TLCD3B: variants seen among roughly 807,000 people sequenced by gnomAD.
The protein encoded by TLCD3B is TLC domain containing 3B.
Under a neutral mutation model 23.0 loss-of-function variants are expected in TLCD3B, and 9 were observed. The ratio of observed to expected loss-of-function variants is 0.39; its 90% CI spans 0.24 to 0.68. The LOEUF (loss-of-function observed/expected upper bound fraction) is 0.68. Among genes scored for constraint, TLCD3B ranks in the 30% least tolerant of loss-of-function variants. The pLI, the probability that TLCD3B is intolerant of heterozygous loss-of-function variation, is 0.44. For synonymous variants in TLCD3B, 161 were observed against 161.0 expected (o/e 1.00, Z 0.00); for missense variants, 307 against 371.8 (o/e 0.83, Z 1.43).
chr16:30,047,469 G>A (rs1165768702), intron 1 of TLCD3B, among the ~76,000 whole-genome samples: 1 of 152,068 alleles, frequency 6.6e-6, no homozygotes, highest in Non-Finnish European at 1.5e-5. Context: ...TTACAGGCAC[G>A]TGCCGCCATG....
In TLCD3B at chr16:30,030,797, C is replaced by T. The variant is rs999916229; in HGVS notation, c.-270G>A. On this transcript the variant is annotated 5_prime_UTR_variant, in exon 1 of 5. Transcript: ENST00000380495. ...CAGGCCAGCGAGGGATGGGGAGAGGCAAAGAGGGGATGGCTTGGTGAGGGA... is the reference window on the plus strand; with the variant it reads ...CAGGCCAGCGAGGGATGGGGAGAGGTAAAGAGGGGATGGCTTGGTGAGGGA... 33 of 1,135,860 alleles carry T rather than the reference C, an allele frequency of 2.9e-5. No homozygotes were observed. The highest frequency in any genetic ancestry group is 5.8e-5 in the Admixed American group (1 of 17,358). 70.4% of individuals were successfully genotyped at this position (1,135,860 alleles called of 1,614,324 possible). A position where few individuals can be genotyped will look rare whatever the true frequency, so the allele number is the denominator to read the frequency against.
In TLCD3B at chr16:30,025,181, C is replaced by T. The variant is rs1156976738; in HGVS notation, c.*2G>A. The T allele has an allele frequency of 4.1e-6, 6 of 1,450,408 alleles. No homozygotes were observed. Among genetic ancestry groups the T allele is most frequent in the Non-Finnish European group, 5.4e-6 (6 of 1,105,738 alleles). 89.8% of individuals were successfully genotyped at this position (1,450,408 alleles called of 1,614,324 possible). On this transcript the variant is annotated 3_prime_UTR_variant, in exon 5 of 5. Coordinates refer to ENST00000380495, the MANE Select transcript of TLCD3B (RefSeq NM_031478.6). The surrounding 1 kb of genome is among the most constrained non-coding windows in gnomAD (Gnocchi z 4.1). ...GGAGGGGGAGGGTCCCGGCCCCCGG[C>T]CTCAGTCCTGGGCCTGGCAGGCCGG...
chr16:30,045,711 T>C (rs1455569130), intron 2 of TLCD3B, among the ~76,000 whole-genome samples: 1 of 145,628 alleles, frequency 6.9e-6, no homozygotes, highest in African/African-American at 2.6e-5. Context: ...GTGTGTGTTG[T>C]GTGTGTTTGT....
rs1007122415 is a variant in TLCD3B at position 30,029,467 on chromosome 16, G to A, written c.174C>T (p.Ile58=). The A allele has an allele frequency of 2.0e-5, 33 of 1,613,948 alleles. No individual in the cohort carries two copies. Among genetic ancestry groups the A allele is most frequent in the Non-Finnish European group, 2.7e-5 (32 of 1,179,984 alleles). ...QAIMASTAGY[I]VSTSCKHIID... is the part of the protein sequence containing the mutation. ...TGATGTGCTTGCAGGAGGTGGAGAC[G>A]ATGTAGCCGGCAGTGGAGGCCATGA... Residue 58 remains isoleucine, a synonymous_variant, in exon 2 of 5, where the codon ATC becomes ATT. Coordinates refer to ENST00000380495, the MANE Select transcript of TLCD3B (RefSeq NM_031478.6). This position sits in a 1 kb window ranked among gnomAD's most constrained non-coding sequence, Gnocchi z 4.6.
chr16:30,025,941 C>A lies in TLCD3B; in HGVS notation c.445-120G>T. On this transcript the variant is annotated intron_variant, in intron 3 of 4. Transcript: ENST00000380495. The surrounding 1 kb of genome is among the most constrained non-coding windows in gnomAD (Gnocchi z 4.1). ...ATGCTTGACTCTGAACATCAGAACA[C>A]CTGGGTGCAGGGCTGGGTGCAGTGG... 1.3e-6 allele frequency: 1 copy of A among 768,156 alleles called. No individual in the cohort carries two copies. The highest frequency in any genetic ancestry group is 1.6e-5 in the South Asian group (1 of 61,420). 47.6% of individuals were successfully genotyped at this position (768,156 alleles called of 1,614,324 possible). A position where few individuals can be genotyped will look rare whatever the true frequency, so the allele number is the denominator to read the frequency against.
chr16:30,026,934 G>A, intron 2 of TLCD3B, 91 bp from the exon 3 acceptor site: 2 of 1,088,988 alleles, frequency 1.8e-6, no homozygotes, highest in Admixed American at 2.0e-5. Flanking sequence ...CAGCAGCCCT[G>A]GACAGGAGCG....
Position 30,026,615 on chromosome 16 carries a change from G to A in TLCD3B, c.438C>T (p.Leu146=). ...HAAMVLVCFP[L]SVVWRQGKGD... ...CCAGCTCCCCGGGACTCACCACTGA[G>A]AGTGGGAAGCACACCAGCACCATGG... Residue 146 remains leucine (L), a synonymous_variant, in exon 3 of 5, where the codon CTC becomes CTT. Transcript: ENST00000380495. 1 of 1,613,118 alleles carries A rather than the reference G, an allele frequency of 6.2e-7. No individual in the cohort carries two copies. Among genetic ancestry groups the A allele is most frequent in the Non-Finnish European group, 8.5e-7 (1 of 1,179,634 alleles).
At chr16:30,047,176 T>A (rs931667025) in intron 1 of TLCD3B, among the ~76,000 whole-genome samples, 1 of 151,968 alleles carries the variant, frequency 6.6e-6, no homozygotes, top group Non-Finnish European at 1.5e-5. Flanking sequence ...TGTCTATCTA[T>A]CTATCTATCT....
intron 2 of TLCD3B, among the ~76,000 whole-genome samples, chr16:30,042,367 G>A (rs772491581): frequency 6.6e-6 from 1 of 151,772 alleles, no homozygotes; most frequent in Non-Finnish European, 1.5e-5. Flanking sequence ...GTCTCCCAAG[G>A]CGCCCACCAC....
chr16:30,040,430 C>A (rs1033705841), intron 3 of TLCD3B, among the ~76,000 whole-genome samples: 3 of 151,972 alleles, frequency 2.0e-5, no homozygotes, highest in African/African-American at 7.3e-5. Context: ...GCTGAGAAAT[C>A]TGAGTCTCAG....
upstream of TLCD3B, chr16:30,035,322 G>T (rs2071446658): frequency 7.8e-7 from 1 of 1,288,592 alleles, no homozygotes; most frequent in South Asian, 1.2e-5. Flanking sequence ...ATGGCCCCAG[G>T]AAGGACACCC....
intron 2 of TLCD3B, among the ~76,000 whole-genome samples, chr16:30,045,455 GGTGT>G (rs1232941758): frequency 7.5e-6 from 1 of 132,602 alleles, no homozygotes; most frequent in African/African-American, 2.9e-5. Flanking sequence ...GTGCATGTGT[GGTGT>G]GTGTGTATTT....
rs1224810984 is a variant in TLCD3B, at chr16:30,030,505, C to T, written c.23G>A (p.Gly8Glu). The T allele has an allele frequency of 1.3e-6, 2 of 1,593,850 alleles. No homozygotes were observed. The highest frequency in any genetic ancestry group is 1.7e-6 in the Non-Finnish European group (2 of 1,172,640). ...GAAGAGTCCGGGGAACACCACCCCC[C>T]CGGCCACCATCGGGGTCAGCATGGT... MLTPMVAGGVVFPGLFLL... is the reference protein window; with the variant it reads MLTPMVAEGVVFPGLFLL... The change falls in exon 1 of 5, where the codon GGG (glycine) becomes GAG (glutamate). Residue 8 changes from glycine (G) to glutamate (E), a missense_variant. Transcript: ENST00000380495.
In TLCD3B at chr16:30,030,474, G is replaced by A; in HGVS notation, c.54C>T (p.Leu18=). 1 of 1,607,592 alleles carries A rather than the reference G, an allele frequency of 6.2e-7. No homozygotes were observed. The highest frequency in any genetic ancestry group is 1.3e-5 in the African/African-American group (1 of 74,644). Residue 18 remains leucine, a synonymous_variant, in exon 1 of 5, where the codon CTC becomes CTT. Transcript: ENST00000380495. ...GCAGCCGCTGGAGCGTGTTCTTGGA[G>A]AGGAGGAAGAGTCCGGGGAACACCA... The part of the protein sequence containing the change: ...GGVVFPGLFL[L]SKNTLQRLPQ...
At chr16:30,030,162 C>CG (rs1214548132) in intron 1 of TLCD3B, 2 of 1,468,920 alleles carry the variant, frequency 1.4e-6, no homozygotes, top group East Asian at 5.3e-5. Flanking sequence ...GGAGGGTGTA[C>CG]GGGGAAGAAG....
chr16:30,025,339 C>G lies in TLCD3B; in HGVS notation c.669G>C (p.Leu223=). The G allele has an allele frequency of 1.3e-6, 2 of 1,584,424 alleles. No homozygotes were observed. Among genetic ancestry groups the G allele is most frequent in the Non-Finnish European group, 1.7e-6 (2 of 1,164,562 alleles). The change falls in exon 5 of 5, where the codon CTG becomes CTC. Residue 223 remains leucine, a synonymous_variant. Transcript: ENST00000380495. This position sits in a 1 kb window ranked among gnomAD's most constrained non-coding sequence, Gnocchi z 4.1. ...WAYGRHAGLP[L]LAVPLAIPAH... Reference sequence around the variant, plus strand: ...CAGGGATGGCCAGGGGCACGGCCAGCAGGGGCAGGCCGGCATGGCGCCCGT... The same window carrying G: ...CAGGGATGGCCAGGGGCACGGCCAGGAGGGGCAGGCCGGCATGGCGCCCGT...
At chr16:30,048,821 A>G (rs1270219868) in intron 1 of TLCD3B, among the ~76,000 whole-genome samples, 1 of 151,778 alleles carries the variant, frequency 6.6e-6, no homozygotes, top group Non-Finnish European at 1.5e-5. Flanking sequence ...CCCAGGCTGG[A>G]GTGCAGTGGT....
rs1205462051 is a variant in TLCD3B at position 30,040,133 on chromosome 16, CA to C, written c.-67+861del. On this transcript the variant is annotated intron_variant, in intron 3 of 6. Coordinates refer to the TLCD3B transcript ENST00000561666. ...TGGGCAACACAGCAAGACTTTGTCTCAAAAAAAAAAAAAAATATATATATAT... is the reference window on the plus strand; with the variant it reads ...TGGGCAACACAGCAAGACTTTGTCTCAAAAAAAAAAAAAATATATATATAT... Among the ~76,000 whole-genome samples, 408 of 84,846 alleles carry C rather than the reference CA, an allele frequency of 4.8e-3. 5 individuals are homozygous for C. Among genetic ancestry groups the C allele is most frequent in the Middle Eastern group, 0.013 (2 of 158 alleles). The allele number at this position is 84,846 out of a possible 152,430, so 55.7% of individuals were successfully genotyped here.
chr16:30,031,541 GC>G (rs1338578530), upstream of TLCD3B, among the ~76,000 whole-genome samples: 1 of 152,218 alleles, frequency 6.6e-6, no homozygotes, highest in Non-Finnish European at 1.5e-5. Flanking sequence ...TCTGTGGCCT[GC>G]CCCGGGTCCG....
Sources: gnomAD v4.1 joint callset for allele counts (sites outside exome capture counted in the v4.1 genomes callset) on GRCh38, gnomAD v4.1.1 for gene constraint, Gnocchi (gnomAD v3.1) non-coding constraint, MANE v1.5 for transcripts, NCBI Gene and HGNC (gene_info 2026-07-23, HGNC 2026-07-21) for gene names.